NRG1: variants seen among roughly 807,000 people sequenced by gnomAD.
NRG1 encodes the protein neuregulin 1, also known as pro-neuregulin-1, membrane-bound isoform.
In NRG1, 18 loss-of-function variants were observed where a neutral mutation model predicts 63.8. The observed-to-expected ratio is 0.28, with a 90% CI of 0.19 to 0.42. The LOEUF (loss-of-function observed/expected upper bound fraction) is 0.42. Ranked by LOEUF, NRG1 falls within the 10% of genes least tolerant of loss-of-function variation. The pLI, the probability that NRG1 is intolerant of heterozygous loss-of-function variation, is 1.00. For missense variants in NRG1, 762 were observed against 814.7 expected (o/e 0.94, Z 0.79); for synonymous variants, 302 against 301.3 (o/e 1.00, Z -0.02).
intron 1 of NRG1, among the ~76,000 whole-genome samples, chr8:31,680,914 C>T (rs1446270533): frequency 6.6e-6 from 1 of 152,076 alleles, no homozygotes; most frequent in East Asian, 1.9e-4. Flanking sequence ...TTTTGCCCTC[C>T]CAGATATTAA....
chr8:32,441,346 G>A (rs1156288346), intron 1 of NRG1: 1 of 152,128 alleles, frequency 6.6e-6, no homozygotes, highest in African/African-American at 2.4e-5. Context: ...TGAGCTCTAT[G>A]AGTCAATTAT....
intron 1 of NRG1, among the ~76,000 whole-genome samples, chr8:32,352,186 T>C (rs930148619): frequency 2.0e-5 from 3 of 150,572 alleles, no homozygotes; most frequent in African/African-American, 7.3e-5. Context: ...GTATGCAGTG[T>C]GTGTCAGGGA....
In NRG1 at chr8:31,907,013, T is replaced by C. The variant is rs535408403; in HGVS notation, c.37+267582T>C. On this transcript the variant is annotated intron_variant, in intron 1 of 10. Transcript: ENST00000519301. ...AAGATAAAATACAGAGCAAAAAGTT[T>C]ACTGATCCCAACAGAGAAACAAGAA... is the stretch of plus-strand genomic sequence containing the variant. Among the ~76,000 whole-genome samples, 14 of 152,286 alleles carry C rather than the reference T, an allele frequency of 9.2e-5. No homozygotes were observed. The South Asian group carries it at 2.9e-3, about 32-fold the overall frequency.
intron 1 of NRG1, among the ~76,000 whole-genome samples, chr8:32,438,313 G>T (rs1395351916): frequency 6.6e-6 from 1 of 152,054 alleles, no homozygotes; most frequent in East Asian, 1.9e-4. Context: ...TAATTCTTTG[G>T]AGATTCTTTA....
upstream of NRG1, chr8:32,548,255 G>C: frequency 1.7e-5 from 17 of 986,198 alleles, no homozygotes; most frequent in Non-Finnish European, 2.0e-5. Context: ...CCAACCTGCG[G>C]GCGGGAGGTG....
chr8:32,523,944 C>CT (rs999835240), intron 1 of NRG1, among the ~76,000 whole-genome samples: 50 of 152,082 alleles, frequency 3.3e-4, no homozygotes, highest in African/African-American at 1.1e-3. Context: ...CTGTTGCCTC[C>CT]TTTTTTTAAA....
intron 1 of NRG1, among the ~76,000 whole-genome samples, chr8:32,049,305 C>T (rs376626567): frequency 1.6e-3 from 245 of 152,178 alleles, no homozygotes; most frequent in Middle Eastern, 3.4e-3. Flanking sequence ...AAATTTGTGA[C>T]GTATGCTAAA....
intron 1 of NRG1, among the ~76,000 whole-genome samples, chr8:31,840,288 G>C (rs1392655513): frequency 2.0e-5 from 3 of 149,242 alleles, no homozygotes; most frequent in Non-Finnish European, 4.4e-5. Flanking sequence ...CCGAGTGCAG[G>C]CTGCTTAAAT....
chr8:32,733,902 G>A (rs903933994), intron 6 of NRG1, among the ~76,000 whole-genome samples: 1 of 152,144 alleles, frequency 6.6e-6, no homozygotes, highest in African/African-American at 2.4e-5. Flanking sequence ...AAGGCATTGT[G>A]GTTGTAGGAA....
At chr8:31,863,886 A>G (rs1056950493) in intron 1 of NRG1, among the ~76,000 whole-genome samples, 1 of 152,214 alleles carries the variant, frequency 6.6e-6, no homozygotes, top group African/African-American at 2.4e-5. Context: ...GTAGCCAGCA[A>G]TCGCTATTCT....
chr8:31,694,648 C>T (rs936936586), intron 1 of NRG1, among the ~76,000 whole-genome samples: 8 of 152,004 alleles, frequency 5.3e-5, no homozygotes, highest in African/African-American at 7.3e-5. Flanking sequence ...TGACTGGGAA[C>T]GTGTGAAAAT....
intron 1 of NRG1, among the ~76,000 whole-genome samples, chr8:31,818,213 A>G (rs1027927089): frequency 2.0e-5 from 3 of 152,226 alleles, no homozygotes; most frequent in Non-Finnish European, 4.4e-5. Context: ...GTTTGTGCAT[A>G]CTTATTGTCA....
chr8:31,683,942 AAGTT>A (rs1184934632), intron 1 of NRG1, among the ~76,000 whole-genome samples: 2 of 152,180 alleles, frequency 1.3e-5, no homozygotes, highest in East Asian at 1.9e-4. Flanking sequence ...GAACAAATAA[AAGTT>A]AGGATTAAGA....
At chr8:32,388,104 T>G (rs1055719665) in intron 1 of NRG1, among the ~76,000 whole-genome samples, 3 of 152,188 alleles carry the variant, frequency 2.0e-5, no homozygotes, top group Non-Finnish European at 4.4e-5. Flanking sequence ...TCATTAGCCT[T>G]ATTCAGCACT....
chr8:32,312,155 T>C (rs1350009926), intron 1 of NRG1, among the ~76,000 whole-genome samples: 1 of 125,954 alleles, frequency 7.9e-6, no homozygotes, highest in Non-Finnish European at 1.7e-5. Context: ...TTGACCTTGT[T>C]TGTTTTTTTT....
At chr8:32,376,439 A>G (rs1809632365) in intron 1 of NRG1, among the ~76,000 whole-genome samples, 1 of 152,136 alleles carries the variant, frequency 6.6e-6, no homozygotes, top group African/African-American at 2.4e-5. Context: ...TAGGACCCCC[A>G]TTCCCTTGAC....
chr8:31,640,558 G>C lies in NRG1; in HGVS notation c.37+1127G>C. The C allele has an allele frequency of 6.2e-7, 1 of 1,611,706 alleles. No homozygotes were observed. The highest frequency in any genetic ancestry group is 1.7e-5 in the Admixed American group (1 of 59,984). ...GCGCCTGGGGACCTGGGGCCACCCC[G>C]CCTTCCCCTCCTGCGGGAGGCTCAA... On this transcript the variant is annotated intron_variant, in intron 1 of 10. Transcript: ENST00000519301. The surrounding 1 kb of genome is among the most constrained non-coding windows in gnomAD (Gnocchi z 6.3).
intron 1 of NRG1, among the ~76,000 whole-genome samples, chr8:32,527,348 C>T (rs927551999): frequency 2.0e-5 from 3 of 152,070 alleles, no homozygotes; most frequent in Admixed American, 6.6e-5. Context: ...AAAATAAAAT[C>T]ATGTCTTTTG....
intron 1 of NRG1, among the ~76,000 whole-genome samples, chr8:32,064,433 G>A (rs1824407533): frequency 6.6e-6 from 1 of 152,046 alleles, no homozygotes; most frequent in South Asian, 2.1e-4. Flanking sequence ...CTGGCTGGCA[G>A]TGCCCCTACT....
Sources: gnomAD v4.1 joint callset for allele counts (sites outside exome capture counted in the v4.1 genomes callset) on GRCh38, gnomAD v4.1.1 for gene constraint, Gnocchi (gnomAD v3.1) non-coding constraint, MANE v1.5 for transcripts, NCBI Gene and HGNC (gene_info 2026-07-23, HGNC 2026-07-21) for gene names.